MYT1L: variants seen among roughly 807,000 people sequenced by gnomAD.
MYT1L encodes myelin transcription factor 1 like, also known as myelin transcription factor 1-like protein.
Under a neutral mutation model 126.7 loss-of-function variants are expected in MYT1L, and 12 were observed. The observed-to-expected ratio is 0.09, with a 90% CI of 0.06 to 0.15. The LOEUF is 0.15. MYT1L is among the 10% of genes least tolerant of loss of function. MYT1L has a pLI of 1.00. For synonymous variants in MYT1L, 541 were observed against 604.2 expected, an observed-to-expected ratio of 0.90 and a Z score of 1.53; for missense variants, 979 against 1,585.2, an observed-to-expected ratio of 0.62 and a Z score of 6.49.
At chr2:1,953,994 C>T (rs2058115171) in intron 8 of MYT1L, among the ~76,000 whole-genome samples, 1 of 152,192 alleles carries the variant, frequency 6.6e-6, no homozygotes, top group South Asian at 2.1e-4. Context: ...GTTGACGGGG[C>T]TCCCTGGAGT....
intron 18 of MYT1L, 50 bp downstream of exon 18, chr2:1,886,485 TGAAC>T: frequency 4.6e-6 from 6 of 1,308,690 alleles, no homozygotes; most frequent in Admixed American, 5.3e-5. Flanking sequence ...TTTTTTTTTG[TGAAC>T]TACTGAGTGC....
At chr2:2,037,978 G>A (rs2067075725) in intron 4 of MYT1L, among the ~76,000 whole-genome samples, 1 of 152,076 alleles carries the variant, frequency 6.6e-6, no homozygotes, top group South Asian at 2.1e-4. Context: ...CACTTGTGTT[G>A]TGTCCATGTC....
rs189075910 is a variant in MYT1L, at chr2:1,991,880, G to A, written c.-1+5311C>T. On this transcript the variant is annotated intron_variant, in intron 5 of 24. Transcript: ENST00000647738. Reference sequence around the variant, plus strand: ...ACGTTCCCCCAAATTTCCATCTCTCGGGTTCACCACACTGGCTCTCAGAGC... The same window carrying A: ...ACGTTCCCCCAAATTTCCATCTCTCAGGTTCACCACACTGGCTCTCAGAGC... Among the ~76,000 whole-genome samples, 76 of 152,110 alleles carry A rather than the reference G, an allele frequency of 5.0e-4. No individual in the cohort carries two copies. In the East Asian group the frequency reaches 0.01, roughly 21 times the overall value.
At chr2:2,157,547 T>C (rs2086926236) in intron 3 of MYT1L, among the ~76,000 whole-genome samples, 1 of 152,192 alleles carries the variant, frequency 6.6e-6, no homozygotes, top group Non-Finnish European at 1.5e-5. Context: ...TGACTTGTAG[T>C]ATCTTTTTAT....
At chr2:2,186,453 G>T (rs567305415) in intron 2 of MYT1L, among the ~76,000 whole-genome samples, 5 of 152,366 alleles carry the variant, frequency 3.3e-5, no homozygotes, top group South Asian at 4.1e-4. Context: ...AAAGAAATAT[G>T]GACCTCGATG....
intron 9 of MYT1L, among the ~76,000 whole-genome samples, chr2:1,924,976 T>C (rs779740918): frequency 3.3e-5 from 5 of 152,214 alleles, no homozygotes; most frequent in Admixed American, 6.5e-5. Flanking sequence ...GTTATATTCA[T>C]GGGCTGTGAT....
chr2:1,922,712 GCTGCGGATTCCTCTC>G lies in MYT1L; in HGVS notation c.1042_1056del (p.Glu348_Gln352del). ...ACATGCTGACGGATGTTCATGTTCT[GCTGCGGATTCCTCTC>G]CTGCGGGTTGGTCTCACTGAGCTTC... On this transcript the variant is annotated inframe_deletion, in exon 10 of 25. Transcript: ENST00000647738. The surrounding 1 kb of genome is among the most constrained non-coding windows in gnomAD (Gnocchi z 7.4). 6.2e-7 allele frequency: 1 copy of G among 1,613,846 alleles called. No homozygotes were observed. The highest frequency in any genetic ancestry group is 8.5e-7 in the Non-Finnish European group (1 of 1,179,864).
chr2:2,024,608 G>A (rs2065342316), intron 4 of MYT1L, among the ~76,000 whole-genome samples: 1 of 152,122 alleles, frequency 6.6e-6, no homozygotes, highest in African/African-American at 2.4e-5. Flanking sequence ...AACTCATAAA[G>A]CTTTATATCC....
intron 18 of MYT1L, among the ~76,000 whole-genome samples, chr2:1,855,677 G>T (rs1558769120): frequency 6.6e-6 from 1 of 152,158 alleles, no homozygotes; most frequent in Admixed American, 6.5e-5. Flanking sequence ...ATATACATAT[G>T]TATATATTTT....
intron 2 of MYT1L, among the ~76,000 whole-genome samples, chr2:2,231,935 G>A (rs768808855): frequency 5.3e-5 from 8 of 152,116 alleles, no homozygotes; most frequent in Non-Finnish European, 7.4e-5. Flanking sequence ...AACAAGCAAC[G>A]GATTATTGTG....
At chr2:1,919,147 AT>A (rs1278635937) in intron 10 of MYT1L, among the ~76,000 whole-genome samples, 2 of 152,216 alleles carry the variant, frequency 1.3e-5, no homozygotes, top group Non-Finnish European at 2.9e-5. Context: ...GACTTCACAG[AT>A]ATCGAAAGTG....
intron 2 of MYT1L, among the ~76,000 whole-genome samples, chr2:2,189,840 C>T (rs1266730477): frequency 6.8e-6 from 1 of 146,044 alleles, no homozygotes; most frequent in African/African-American, 2.6e-5. Context: ...CAGGACGGCA[C>T]GGGGAGAAGC....
In MYT1L at chr2:2,181,471, G is replaced by A. The variant is rs145866057; in HGVS notation, c.-420-8483C>T. Reference sequence around the variant, plus strand: ...AATCAGAATTCTAGCAGTAAGCCCCGCTCTTAAAATATATAGAAATTACCG... The same window carrying A: ...AATCAGAATTCTAGCAGTAAGCCCCACTCTTAAAATATATAGAAATTACCG... On this transcript the variant is annotated intron_variant, in intron 2 of 24. Coordinates refer to ENST00000647738, the MANE Select transcript of MYT1L (RefSeq NM_001303052.2). Among the ~76,000 whole-genome samples the A allele has an allele frequency of 1.0e-3, 155 of 152,246 alleles. 1 individual carries two copies. Among genetic ancestry groups the A allele is most frequent in the Non-Finnish European group, 1.8e-3 (123 of 68,012 alleles).
At chr2:1,926,623 T>C (rs936658691) in intron 9 of MYT1L, among the ~76,000 whole-genome samples, 3 of 152,204 alleles carry the variant, frequency 2.0e-5, no homozygotes. Flanking sequence ...AGTGCAGTGG[T>C]GCGATCTGAG....
intron 8 of MYT1L, among the ~76,000 whole-genome samples, chr2:1,964,650 T>C (rs1257643723): frequency 6.6e-6 from 1 of 152,242 alleles, no homozygotes; most frequent in African/African-American, 2.4e-5. Context: ...TATTTTGTGT[T>C]ATTATACATT....
At chr2:2,175,717 C>T (rs1479948891) in intron 2 of MYT1L, among the ~76,000 whole-genome samples, 1 of 152,206 alleles carries the variant, frequency 6.6e-6, no homozygotes, top group African/African-American at 2.4e-5. Flanking sequence ...AACAGGAAAA[C>T]TGCTTTAAGG....
chr2:1,854,562 A>G (rs1470623631), intron 18 of MYT1L, among the ~76,000 whole-genome samples: 2 of 152,202 alleles, frequency 1.3e-5, no homozygotes, highest in Non-Finnish European at 2.9e-5. Context: ...AAGTTTTTAA[A>G]ATGTCCTTTT....
chr2:1,859,990 T>C (rs2044379977), intron 18 of MYT1L, among the ~76,000 whole-genome samples: 1 of 152,222 alleles, frequency 6.6e-6, no homozygotes, highest in African/African-American at 2.4e-5. Context: ...AGCGTCACTG[T>C]CCATGCTGCA....
intron 3 of MYT1L, among the ~76,000 whole-genome samples, chr2:2,164,654 T>A (rs2088700403): frequency 6.6e-6 from 1 of 152,214 alleles, no homozygotes; most frequent in Non-Finnish European, 1.5e-5. Context: ...TGTGTGGGAA[T>A]GAATGAGAAG....
Sources: allele counts gnomAD v4.1 joint callset (sites outside exome capture counted in the v4.1 genomes callset), GRCh38; gene constraint gnomAD v4.1.1; non-coding constraint Gnocchi (gnomAD v3.1); transcripts MANE v1.5; gene names NCBI Gene and HGNC (gene_info 2026-07-23, HGNC 2026-07-21).